MYO16: variants seen among roughly 807,000 people sequenced by gnomAD.
MYO16 encodes the protein unconventional myosin-XVI.
A neutral mutation model predicts 205.3 loss-of-function variants in MYO16; 94 were observed. The observed-to-expected ratio is 0.46, with a 90% CI of 0.39 to 0.54. The LOEUF (loss-of-function observed/expected upper bound fraction) is 0.54, where lower values mean the gene tolerates loss of function less well. Ranked by LOEUF, MYO16 falls within the 20% of genes least tolerant of loss-of-function variation. The pLI, the probability that MYO16 is intolerant of heterozygous loss-of-function variation, is 0.00. For missense variants in MYO16, 2,315 were observed against 2,387.5 expected, an observed-to-expected ratio of 0.97 and a Z score of 0.63; for synonymous variants, 988 against 954.0, an observed-to-expected ratio of 1.04 and a Z score of -0.66.
chr13:109,040,448 A>G (rs1342718526), intron 23 of MYO16, among the ~76,000 whole-genome samples: 1 of 151,766 alleles, frequency 6.6e-6, no homozygotes, highest in Non-Finnish European at 1.5e-5. Flanking sequence ...CCTCATGAAT[A>G]TAGGTGAAAA....
chr13:109,192,644 G>A (rs548211283), intron 34 of MYO16, among the ~76,000 whole-genome samples: 15 of 152,226 alleles, frequency 9.9e-5, no homozygotes, highest in Admixed American at 9.2e-4. Context: ...TACAAGCATA[G>A]CCCATGCAAC....
chr13:108,731,974 C>A (rs1424340215), intron 4 of MYO16, among the ~76,000 whole-genome samples: 1 of 152,180 alleles, frequency 6.6e-6, no homozygotes, highest in Non-Finnish European at 1.5e-5. Flanking sequence ...TAGCTGTATT[C>A]ATACCGTGTT....
intron 16 of MYO16, among the ~76,000 whole-genome samples, chr13:108,920,739 G>A (rs181418095): frequency 3.9e-5 from 6 of 152,268 alleles, no homozygotes; most frequent in Admixed American, 2.0e-4. Context: ...GATTACAGGC[G>A]TGAGCCACTA....
chr13:108,693,859 C>A (rs1186971748), intron 2 of MYO16, among the ~76,000 whole-genome samples: 1 of 152,162 alleles, frequency 6.6e-6, no homozygotes, highest in Non-Finnish European at 1.5e-5. Flanking sequence ...GTCCCTCTTG[C>A]CACCTTTCAC....
chr13:109,077,088 C>G (rs762891128), intron 27 of MYO16, among the ~76,000 whole-genome samples: 2 of 150,772 alleles, frequency 1.3e-5, no homozygotes, highest in African/African-American at 4.9e-5. Flanking sequence ...GGCACAATCT[C>G]GGCTCACTGC....
intron 3 of MYO16, among the ~76,000 whole-genome samples, chr13:108,712,984 A>G (rs1462000138): frequency 6.6e-6 from 1 of 152,234 alleles, no homozygotes; most frequent in Non-Finnish European, 1.5e-5. Flanking sequence ...GTAAAATAAT[A>G]TTGTATCAAT....
At chr13:108,618,937 C>T (rs1325275241) in intron 1 of MYO16, among the ~76,000 whole-genome samples, 2 of 152,142 alleles carry the variant, frequency 1.3e-5, no homozygotes, top group Non-Finnish European at 2.9e-5. Flanking sequence ...ACCACGAGAT[C>T]AAAATATGAA....
At chr13:109,178,412 G>A (rs574167804) in intron 33 of MYO16, among the ~76,000 whole-genome samples, 5 of 152,252 alleles carry the variant, frequency 3.3e-5, no homozygotes, top group South Asian at 4.1e-4. Context: ...GGATTGTGTC[G>A]ACTTCCCTGA....
At chr13:108,543,907 A>G in the MYO16 span, among the ~76,000 whole-genome samples, 1 of 150,698 alleles carries the variant, frequency 6.6e-6, no homozygotes, top group Non-Finnish European at 1.5e-5. Context: ...CTCTACTAAA[A>G]ATACAAAATT....
rs368182686 is a variant in MYO16 at position 108,829,192 on chromosome 13, G to C, written c.1097+5914G>C. On this transcript the variant is annotated intron_variant, in intron 9 of 34. Coordinates refer to ENST00000457511, the MANE Select transcript of MYO16 (RefSeq NM_001198950.3). The stretch of plus-strand genomic sequence containing the variant: ...TGGCGGTTAGCATAATTGTACTGCA[G>C]GACATCAGAGTTTGATGATGATAGT... Among the ~76,000 whole-genome samples, 20 of 152,206 alleles carry C rather than the reference G, an allele frequency of 1.3e-4. No individual in the cohort carries two copies. In the East Asian group the frequency reaches 3.3e-3, roughly 25 times the overall value.
chr13:109,205,564 T>C (rs1319955589), intron 34 of MYO16, among the ~76,000 whole-genome samples: 3 of 152,220 alleles, frequency 2.0e-5, no homozygotes, highest in Non-Finnish European at 4.4e-5. Flanking sequence ...CCAGTATTCC[T>C]ATTCGGATTT....
intron 4 of MYO16, among the ~76,000 whole-genome samples, chr13:108,766,929 G>T (rs1885795417): frequency 6.6e-6 from 1 of 152,114 alleles, no homozygotes; most frequent in Admixed American, 6.5e-5. Flanking sequence ...TGGTTTTCTG[G>T]GTGAGTAGCT....
intron 2 of MYO16, among the ~76,000 whole-genome samples, chr13:108,671,392 A>G (rs1371161117): frequency 6.6e-6 from 1 of 152,182 alleles, no homozygotes; most frequent in Admixed American, 6.6e-5. Flanking sequence ...GAGAGAAATA[A>G]CACAAAAATT....
chr13:108,855,234 C>CATTAA, intron 10 of MYO16: 1 of 396,818 alleles, frequency 2.5e-6, no homozygotes, highest in South Asian at 5.9e-5. Context: ...GGGAGTATAG[C>CATTAA]ACAAAAATTC....
chr13:108,784,132 C>A (rs537793567), intron 4 of MYO16, among the ~76,000 whole-genome samples: 1 of 152,158 alleles, frequency 6.6e-6, no homozygotes, highest in African/African-American at 2.4e-5. Context: ...AAAGCACTGC[C>A]GTGTTCGTTA....
chr13:108,744,183 G>A (rs947884896), intron 4 of MYO16, among the ~76,000 whole-genome samples: 2 of 152,138 alleles, frequency 1.3e-5, no homozygotes, highest in African/African-American at 4.8e-5. Context: ...TGAGAAAATT[G>A]AAGTTTTCAG....
intron 15 of MYO16, among the ~76,000 whole-genome samples, chr13:108,904,368 A>G (rs764192853): frequency 1.2e-4 from 19 of 152,216 alleles, no homozygotes; most frequent in Non-Finnish European, 2.5e-4. Flanking sequence ...AAGTTACTGT[A>G]TAAGTAAAAG....
chr13:109,167,706 A>G (rs1429552125), intron 33 of MYO16, among the ~76,000 whole-genome samples: 1 of 152,252 alleles, frequency 6.6e-6, no homozygotes, highest in East Asian at 1.9e-4. Flanking sequence ...TAAAACACCT[A>G]TAAAATAAAG....
upstream of MYO16, among the ~76,000 whole-genome samples, chr13:108,593,157 G>A (rs567695922): frequency 5.9e-5 from 9 of 152,122 alleles, no homozygotes; most frequent in African/African-American, 2.2e-4. Context: ...GTAGTGAAGC[G>A]GGGGTGAATA....
Sources: allele counts gnomAD v4.1 joint callset (sites outside exome capture counted in the v4.1 genomes callset), GRCh38; gene constraint gnomAD v4.1.1; transcripts MANE v1.5; gene names NCBI Gene and HGNC (gene_info 2026-07-23, HGNC 2026-07-21).